Variants in EPG5 observed in about 807,000 individuals in gnomAD.
EPG5 encodes the protein ectopic P granules protein 5 homolog.
A neutral mutation model predicts 302.7 loss-of-function variants in EPG5; 159 were observed. The ratio of observed to expected loss-of-function variants is 0.53; its 90% CI spans 0.46 to 0.60. The LOEUF (loss-of-function observed/expected upper bound fraction) is 0.60. Ranked by LOEUF, EPG5 falls within the 20% of genes least tolerant of loss-of-function variation. EPG5 has a pLI of 0.00. For synonymous variants in EPG5, 1,158 were observed against 1,136.8 expected (o/e 1.02, Z -0.37); for missense variants, 2,896 against 3,092.4 (o/e 0.94, Z 1.51).
At chr18:45,966,797 T>G (rs560123483) in intron 1 of EPG5, among the ~76,000 whole-genome samples, 1 of 152,258 alleles carries the variant, frequency 6.6e-6, no homozygotes, top group African/African-American at 2.4e-5. Context: ...TCTTTATGCA[T>G]GGCAGGGACT....
chr18:45,862,715 C>G (rs2145229986), intron 39 of EPG5, among the ~76,000 whole-genome samples: 1 of 152,342 alleles, frequency 6.6e-6, no homozygotes, highest in African/African-American at 2.4e-5. Context: ...AGAGGCCGAG[C>G]AGATGGCAGC....
Position 45,907,945 on chromosome 18 carries a change from G to A in EPG5, c.4329+13C>T, listed in dbSNP as rs1286993357. 14 of 1,543,410 alleles carry A rather than the reference G, an allele frequency of 9.1e-6. No homozygotes were observed. Among genetic ancestry groups the A allele is most frequent in the Non-Finnish European group, 1.2e-5 (14 of 1,157,588 alleles). ...TAAAAAAAAAAAAAAAAAAAGGAGG[G>A]CTATAATTTCACCTGCTGATTCTGC... On this transcript the variant is annotated intron_variant, in intron 24 of 43. Transcript: ENST00000282041.
the EPG5 span, among the ~76,000 whole-genome samples, chr18:45,833,480 T>C: frequency 6.6e-6 from 1 of 152,114 alleles, no homozygotes; most frequent in South Asian, 2.1e-4. Context: ...GCCTCACTTA[T>C]TTTTGTATTT....
chr18:45,903,824 C>G, intron 25 of EPG5, 149 bp downstream of exon 25: 1 of 751,916 alleles, frequency 1.3e-6, no homozygotes. Flanking sequence ...GCAATTTACA[C>G]CATTGTGTAA....
the EPG5 span, among the ~76,000 whole-genome samples, chr18:45,836,364 C>T: frequency 1.3e-5 from 2 of 152,076 alleles, no homozygotes; most frequent in African/African-American, 2.4e-5. Context: ...CAAGAGCTGC[C>T]GTATTATTTC....
Position 45,858,681 on chromosome 18 carries a change from T to G in EPG5, c.7111A>C (p.Ser2371Arg), listed in dbSNP as rs1359845502. The G allele has an allele frequency of 6.2e-7, 1 of 1,614,142 alleles. No individual in the cohort carries two copies. The highest frequency in any genetic ancestry group is 2.2e-5 in the East Asian group (1 of 44,872). Residue 2371 changes from serine to arginine, a missense_variant, in exon 41 of 44, where the codon AGT becomes CGT. Coordinates refer to ENST00000282041, the MANE Select transcript of EPG5 (RefSeq NM_020964.3). ...AAGTAGACGTAAAGAGTCAAGTAAC[T>G]GCCCAAGGTGAGGCACTCCTGCAGG... ...EFLQECLTLGSYLTLYVYLLQ... is the reference protein window; with the variant it reads ...EFLQECLTLGRYLTLYVYLLQ...
chr18:45,901,959 T>A (rs72918340), intron 25 of EPG5, among the ~76,000 whole-genome samples: 14,443 of 152,140 alleles, frequency 0.095, 754 homozygotes, highest in African/African-American at 0.14. Context: ...CACCACACTA[T>A]ACACATACCA....
intron 30 of EPG5, among the ~76,000 whole-genome samples, 169 bp downstream of exon 30, chr18:45,884,448 G>A (rs1441808569): frequency 6.6e-6 from 1 of 152,158 alleles, no homozygotes. Context: ...CCCCTAAGAA[G>A]CAGCTGTGGG....
chr18:45,872,658 C>T (rs549272404), intron 35 of EPG5, among the ~76,000 whole-genome samples: 49 of 152,092 alleles, frequency 3.2e-4, no homozygotes, highest in African/African-American at 1.1e-3. Flanking sequence ...GAGCCAAGAT[C>T]GCACCACCGC....
chr18:45,882,334 A>C lies in EPG5; in HGVS notation c.5458T>G (p.Tyr1820Asp). The C allele has an allele frequency of 6.2e-7, 1 of 1,614,234 alleles. No homozygotes were observed. Among genetic ancestry groups the C allele is most frequent in the Non-Finnish European group, 8.5e-7 (1 of 1,180,038 alleles). Reference sequence around the variant, plus strand: ...TCAGGAAACTGGTAGAGAAGAAGATAAGTCCAGTGCTTACAGAAAAGATTA... The same window carrying C: ...TCAGGAAACTGGTAGAGAAGAAGATCAGTCCAGTGCTTACAGAAAAGATTA... ...PFNLFCKHWT[Y>D]LLLYQFPDQY... Residue 1820 changes from tyrosine to aspartate, a missense_variant, in exon 31 of 44, where the codon TAT (tyrosine) becomes GAT (aspartate). Physicochemically the swap from Tyr to Asp is radical, Grantham distance 160 (BLOSUM62 -3). Around this residue, in one of 5 missense-constraint regions of EPG5, gnomAD observed 790 missense variants for 798.0 expected, o/e 0.99. Transcript: ENST00000282041.
intron 1 of EPG5, among the ~76,000 whole-genome samples, chr18:45,960,061 T>C (rs1421688531): frequency 6.6e-6 from 1 of 152,132 alleles, no homozygotes; most frequent in Non-Finnish European, 1.5e-5. Context: ...GGAGGATCCC[T>C]TGAGCCCAAG....
chr18:45,889,712 AG>A lies in EPG5; in HGVS notation c.4952+85del, dbSNP rs1256555817. 4.0e-6 allele frequency: 5 copies of A among 1,243,274 alleles called. No homozygotes were observed. The East Asian group carries it at 1.0e-4, about 25-fold the overall frequency. The allele number at this position is 1,243,274 out of a possible 1,614,324, so 77.0% of individuals were successfully genotyped here. ...TACTAAATTAACCTGTGGGTGCTGC[AG>A]GGGTGGTGGTGGTATAGTAGCATGT... is the stretch of plus-strand genomic sequence containing the variant. On this transcript the variant is annotated intron_variant, in intron 28 of 43. Transcript: ENST00000282041.
At chr18:45,845,541 C>A (rs936478410), downstream of EPG5, among the ~76,000 whole-genome samples, 1 of 152,208 alleles carries the variant, frequency 6.6e-6, no homozygotes, top group African/African-American at 2.4e-5. Context: ...TGTCTTCCCC[C>A]ACCCACCCTC....
At chr18:45,935,047 A>C (rs774148797) in intron 10 of EPG5, 81 bp from the exon 11 acceptor site, 24 of 1,366,772 alleles carry the variant, frequency 1.8e-5, no homozygotes, top group Admixed American at 7.2e-5. Flanking sequence ...GCTCTCAAGG[A>C]AAAAAAGATT....
At chr18:45,878,321 A>G (rs901376987) in intron 34 of EPG5, 55 bp downstream of exon 34, 59 of 1,183,520 alleles carry the variant, frequency 5.0e-5, no homozygotes, top group Non-Finnish European at 6.9e-5. Context: ...AATACCATTT[A>G]GAATTTTAAG....
chr18:45,895,219 T>C (rs181540883), intron 27 of EPG5, among the ~76,000 whole-genome samples: 2 of 152,212 alleles, frequency 1.3e-5, no homozygotes, highest in East Asian at 1.9e-4. Flanking sequence ...TGTGAAATTA[T>C]AGGAAGAAGA....
rs1239727468 is a variant in EPG5 at position 45,946,854 on chromosome 18, C to T, written c.1572-86G>A. On this transcript the variant is annotated intron_variant, in intron 6 of 43. Coordinates refer to ENST00000282041, the MANE Select transcript of EPG5 (RefSeq NM_020964.3). Reference sequence around the variant, plus strand: ...ATTCTCTACTCACCCTGAAGAAGAGCCACACATCATCCCAATCTTCCAATG... The same window carrying T: ...ATTCTCTACTCACCCTGAAGAAGAGTCACACATCATCCCAATCTTCCAATG... 7 of 1,009,656 alleles carry T rather than the reference C, an allele frequency of 6.9e-6. No individual in the cohort carries two copies. The African/African-American group carries it at 1.1e-4, about 16-fold the overall frequency. The allele number at this position is 1,009,656 out of a possible 1,614,324, so 62.5% of individuals were successfully genotyped here. A position where few individuals can be genotyped will look rare whatever the true frequency, so the allele number is the denominator to read the frequency against.
the EPG5 span, among the ~76,000 whole-genome samples, chr18:45,804,389 C>T: frequency 6.6e-6 from 1 of 152,020 alleles, no homozygotes; most frequent in African/African-American, 2.4e-5. Context: ...CAAAAAGTCC[C>T]CAAATTTGGC....
intron 1 of EPG5, among the ~76,000 whole-genome samples, chr18:45,959,962 A>G (rs1185874576): frequency 2.0e-5 from 3 of 152,072 alleles, no homozygotes; most frequent in African/African-American, 4.8e-5. Flanking sequence ...CTGGGCAACA[A>G]GAGCAACTGC....
Sources: gnomAD v4.1 joint callset for allele counts (sites outside exome capture counted in the v4.1 genomes callset) on GRCh38, gnomAD v4.1.1 for gene constraint, gnomAD v4.1.1 regional missense constraint, MANE v1.5 for transcripts, NCBI Gene and HGNC (gene_info 2026-07-23, HGNC 2026-07-21) for gene names.